The following TCF7L1 variants were observed in gnomAD, a reference collection of about 807,000 sequenced individuals.
TCF7L1 encodes transcription factor 7-like 1.
A neutral mutation model predicts 63.7 loss-of-function variants in TCF7L1; 18 were observed. The ratio of observed to expected loss-of-function variants is 0.28; its 90% CI spans 0.20 to 0.42. The LOEUF (loss-of-function observed/expected upper bound fraction) is 0.42. TCF7L1 is among the 10% of genes least tolerant of loss of function. TCF7L1 has a pLI of 1.00. For synonymous variants in TCF7L1, 355 were observed against 340.9 expected, an observed-to-expected ratio of 1.04 and a Z score of -0.46; for missense variants, 654 against 779.3, an observed-to-expected ratio of 0.84 and a Z score of 1.91.
intron 3 of TCF7L1, among the ~76,000 whole-genome samples, chr2:85,143,538 G>A (rs1338842963): frequency 2.0e-5 from 3 of 152,224 alleles, no homozygotes; most frequent in African/African-American, 7.2e-5. Flanking sequence ...CTAAGAAGTA[G>A]ATACTTGTTC....
chr2:85,305,543 C>T, intron 8 of TCF7L1, 140 bp downstream of exon 8: 1 of 1,072,500 alleles, frequency 9.3e-7, no homozygotes, highest in Non-Finnish European at 1.3e-6. Context: ...GCCAGGCCCT[C>T]CCTCTTCCTC....
chr2:85,134,554 C>T lies in TCF7L1; in HGVS notation c.441+104C>T. On this transcript the variant is annotated intron_variant, in intron 3 of 11. Coordinates refer to ENST00000282111, the MANE Select transcript of TCF7L1 (RefSeq NM_031283.3). This position sits in a 1 kb window ranked among gnomAD's most constrained non-coding sequence, Gnocchi z 5.0. ...GGGGGATGGGGCCTTCTGCGCCGAT[C>T]CCAAGCAGAACTTGTTTGCGGAGTT... 6.9e-7 allele frequency: 1 copy of T among 1,451,890 alleles called. No homozygotes were observed. The highest frequency in any genetic ancestry group is 9.1e-7 in the Non-Finnish European group (1 of 1,094,866). The allele number at this position is 1,451,890 out of a possible 1,614,324, so 89.9% of individuals were successfully genotyped here. A position where few individuals can be genotyped will look rare whatever the true frequency, so the allele number is the denominator to read the frequency against.
intron 3 of TCF7L1, among the ~76,000 whole-genome samples, chr2:85,232,229 C>G (rs539806362): frequency 3.3e-5 from 5 of 152,198 alleles, no homozygotes; most frequent in East Asian, 3.8e-4. Context: ...GTTTTCTGCT[C>G]TGTGTGTGTT....
At chr2:85,246,386 T>C (rs528178762) in intron 3 of TCF7L1, among the ~76,000 whole-genome samples, 47 of 152,240 alleles carry the variant, frequency 3.1e-4, no homozygotes, top group Non-Finnish European at 5.1e-4. Flanking sequence ...CACATGCCTT[T>C]CATGACAGAG....
Position 85,233,680 on chromosome 2 carries a change from C to T in TCF7L1, c.442-49815C>T, listed in dbSNP as rs1466200163. On this transcript the variant is annotated intron_variant, in intron 3 of 11. Coordinates refer to ENST00000282111, the MANE Select transcript of TCF7L1 (RefSeq NM_031283.3). ...TTTTAACAAATTGTACCACCACAATCATGATATAGAACAATTCCACCCACC... is the reference window on the plus strand; with the variant it reads ...TTTTAACAAATTGTACCACCACAATTATGATATAGAACAATTCCACCCACC... 3.3e-5 allele frequency: 5 copies of T among 152,176 alleles called. No homozygotes were observed. The East Asian group carries it at 9.6e-4, about 29-fold the overall frequency. 9.4% of individuals were successfully genotyped at this position (152,176 alleles called of 1,614,324 possible). A position where few individuals can be genotyped will look rare whatever the true frequency, so the allele number is the denominator to read the frequency against.
intron 3 of TCF7L1, among the ~76,000 whole-genome samples, chr2:85,152,730 C>T (rs1028983679): frequency 7.4e-6 from 1 of 134,372 alleles, no homozygotes; most frequent in Non-Finnish European, 1.6e-5. Flanking sequence ...CCACCACGTC[C>T]AGCCTAGTCT....
chr2:85,147,620 C>G (rs895029041), intron 3 of TCF7L1, among the ~76,000 whole-genome samples: 3 of 152,004 alleles, frequency 2.0e-5, no homozygotes, highest in East Asian at 1.9e-4. Flanking sequence ...GGGCCAGGGG[C>G]CCCAGGACCC....
At chr2:85,146,959 C>G (rs1677893996) in intron 3 of TCF7L1, among the ~76,000 whole-genome samples, 1 of 152,120 alleles carries the variant, frequency 6.6e-6, no homozygotes, top group Non-Finnish European at 1.5e-5. Context: ...TCTATTGATT[C>G]TGTTTTTCCC....
intron 3 of TCF7L1, among the ~76,000 whole-genome samples, chr2:85,281,274 C>T (rs1681412749): frequency 6.6e-6 from 1 of 152,166 alleles, no homozygotes; most frequent in Admixed American, 6.5e-5. Flanking sequence ...ATTTGCCCAC[C>T]TTGGCCTCCC....
chr2:85,226,474 G>A (rs1044316670), intron 3 of TCF7L1, among the ~76,000 whole-genome samples: 1 of 152,122 alleles, frequency 6.6e-6, no homozygotes, highest in Non-Finnish European at 1.5e-5. Flanking sequence ...TTTGAATCTG[G>A]GCTAGCCTGG....
At chr2:85,176,642 G>A (rs1313030305) in intron 3 of TCF7L1, among the ~76,000 whole-genome samples, 1 of 152,236 alleles carries the variant, frequency 6.6e-6, no homozygotes. Context: ...TATTCCATGG[G>A]AAAATCAGTA....
chr2:85,196,581 G>C (rs905309245), intron 3 of TCF7L1, among the ~76,000 whole-genome samples: 11 of 151,670 alleles, frequency 7.3e-5, no homozygotes, highest in Non-Finnish European at 1.5e-4. Flanking sequence ...TGTTGCCCAG[G>C]CTGGTATTAA....
At chr2:85,171,241 G>T (rs1375475025) in intron 3 of TCF7L1, among the ~76,000 whole-genome samples, 1 of 152,182 alleles carries the variant, frequency 6.6e-6, no homozygotes, top group Non-Finnish European at 1.5e-5. Flanking sequence ...TCATGATTCA[G>T]TTACCTCCCA....
At chr2:85,261,744 G>A (rs1426392161) in intron 3 of TCF7L1, among the ~76,000 whole-genome samples, 1 of 152,054 alleles carries the variant, frequency 6.6e-6, no homozygotes, top group Non-Finnish European at 1.5e-5. Context: ...AAAATTAGCT[G>A]GGTGTGGTGA....
At chr2:85,154,622 C>A (rs150393618) in intron 3 of TCF7L1, among the ~76,000 whole-genome samples, 326 of 152,316 alleles carry the variant, frequency 2.1e-3, no homozygotes, top group African/African-American at 7.7e-3. Context: ...GCTGTAAGTT[C>A]TCAGCTCTCT....
chr2:85,281,782 C>T (rs1253724553), intron 3 of TCF7L1, among the ~76,000 whole-genome samples: 1 of 152,198 alleles, frequency 6.6e-6, no homozygotes, highest in Non-Finnish European at 1.5e-5. Flanking sequence ...GCACGTGTGA[C>T]CTTAAGTTGT....
At chr2:85,139,748 G>T (rs1677677841) in intron 3 of TCF7L1, among the ~76,000 whole-genome samples, 1 of 152,190 alleles carries the variant, frequency 6.6e-6, no homozygotes, top group African/African-American at 2.4e-5. Flanking sequence ...ATGGAGGAAG[G>T]AAAAGTTCAG....
chr2:85,198,278 T>G (rs1268563872), intron 3 of TCF7L1, among the ~76,000 whole-genome samples: 3 of 152,222 alleles, frequency 2.0e-5, no homozygotes, highest in African/African-American at 7.2e-5. Context: ...GAAAGTGGGA[T>G]AGGGGAGCCA....
chr2:85,144,190 T>G (rs1479860065), intron 3 of TCF7L1, among the ~76,000 whole-genome samples: 4 of 152,150 alleles, frequency 2.6e-5, no homozygotes, highest in Non-Finnish European at 5.9e-5. Context: ...TTATAAAATA[T>G]TTTATAAATT....
Sources: allele counts gnomAD v4.1 joint callset (sites outside exome capture counted in the v4.1 genomes callset), GRCh38; gene constraint gnomAD v4.1.1; non-coding constraint Gnocchi (gnomAD v3.1); transcripts MANE v1.5; gene names NCBI Gene and HGNC (gene_info 2026-07-23, HGNC 2026-07-21).